DST: variants seen among roughly 807,000 people sequenced by gnomAD.
DST encodes the protein dystonin, also known as bullous pemphigoid antigen.
Under a neutral mutation model 875.2 loss-of-function variants are expected in DST, and 253 were observed. The ratio of observed to expected loss-of-function variants is 0.29; its 90% CI spans 0.26 to 0.32. The LOEUF (loss-of-function observed/expected upper bound fraction) is 0.32, where lower values mean the gene tolerates loss of function less well. Among genes scored for constraint, DST ranks in the 10% least tolerant of loss-of-function variants. The pLI is 1.00. For synonymous variants in DST, 3,124 were observed against 3,197.1 expected, an observed-to-expected ratio of 0.98 and a Z score of 0.77; for missense variants, 8,287 against 9,111.6, an observed-to-expected ratio of 0.91 and a Z score of 3.68.
intron 2 of DST, among the ~76,000 whole-genome samples, chr6:56,919,262 C>G (rs1479242820): frequency 6.6e-6 from 1 of 151,998 alleles, no homozygotes; most frequent in Non-Finnish European, 1.5e-5. Flanking sequence ...AAAGCTTTTC[C>G]CAACTGCAAA....
chr6:56,586,439 C>G (rs1448456642), intron 49 of DST, among the ~76,000 whole-genome samples: 1 of 150,392 alleles, frequency 6.6e-6, no homozygotes, highest in Non-Finnish European at 1.5e-5. Flanking sequence ...TTTTGTTTTC[C>G]ATTTGCTTGG....
chr6:56,860,104 T>G (rs1239946520), intron 3 of DST, among the ~76,000 whole-genome samples: 1 of 152,226 alleles, frequency 6.6e-6, no homozygotes, highest in Non-Finnish European at 1.5e-5. Flanking sequence ...AATTCAGATG[T>G]GGAATACTGG....
At chr6:56,897,401 G>C (rs995139806) in intron 3 of DST, among the ~76,000 whole-genome samples, 1 of 151,302 alleles carries the variant, frequency 6.6e-6, no homozygotes, top group African/African-American at 2.4e-5. Flanking sequence ...GCACGATCTT[G>C]GCTCCCTGCA....
chr6:56,922,490 T>C (rs1223327579), intron 2 of DST, among the ~76,000 whole-genome samples: 3 of 152,214 alleles, frequency 2.0e-5, no homozygotes, highest in African/African-American at 7.2e-5. Flanking sequence ...CACTGTCTTA[T>C]AGATACACTG....
intron 5 of DST, among the ~76,000 whole-genome samples, chr6:56,723,639 G>C (rs1428323148): frequency 6.6e-6 from 1 of 152,152 alleles, no homozygotes; most frequent in Non-Finnish European, 1.5e-5. Context: ...GCCCCATCCA[G>C]ATCTGTAACT....
Position 56,459,281 on chromosome 6 carries a change from GT to G in DST, c.23195-15del. 2.5e-6 allele frequency: 4 copies of G among 1,608,752 alleles called. No individual in the cohort carries two copies. Among genetic ancestry groups the G allele is most frequent in the Non-Finnish European group, 2.5e-6 (3 of 1,177,074 alleles). The stretch of plus-strand genomic sequence containing the variant: ...TCTTCTTGGAATCTGAGGAAAGAAG[GT>G]AGAGACAGCTCACCCTTATTATTGG... On this transcript the variant is annotated splice_polypyrimidine_tract_variant and intron_variant, in intron 103 of 103. Coordinates refer to ENST00000680361, the MANE Select transcript of DST (RefSeq NM_001374736.1).
chr6:56,586,854 T>C (rs1266015481), intron 49 of DST, among the ~76,000 whole-genome samples: 1 of 152,144 alleles, frequency 6.6e-6, no homozygotes, highest in Non-Finnish European at 1.5e-5. Context: ...GAGAGTCCTG[T>C]CCGTTACAAG....
Position 56,763,684 on chromosome 6 carries a change from T to TACACACACACACACAC in DST, c.626-28411_626-28396dup, listed in dbSNP as rs553580754. Among the ~76,000 whole-genome samples the TACACACACACACACAC allele has an allele frequency of 1.9e-3, 227 of 117,092 alleles. 5 individuals carry two copies. Among genetic ancestry groups the TACACACACACACACAC allele is most frequent in the African/African-American group, 6.6e-3 (190 of 28,940 alleles). The allele number at this position is 117,092 out of a possible 152,430, so 76.8% of individuals were successfully genotyped here. Reference sequence around the variant, plus strand: ...TCCTCTTAAAAAAAAAAAATACCTATACACACACACACACACACACACACA... The same window carrying TACACACACACACACAC: ...TCCTCTTAAAAAAAAAAAATACCTATACACACACACACACACACACACACACACACACACACACACA... On this transcript the variant is annotated intron_variant, in intron 4 of 103. Coordinates refer to ENST00000680361, the MANE Select transcript of DST (RefSeq NM_001374736.1).
intron 2 of DST, among the ~76,000 whole-genome samples, chr6:56,915,309 G>A (rs1159194975): frequency 1.3e-5 from 2 of 152,194 alleles, no homozygotes; most frequent in African/African-American, 4.8e-5. Flanking sequence ...CATGTTTTAT[G>A]GGGCATTTAC....
chr6:56,635,935 GT>G (rs527796577), intron 23 of DST, among the ~76,000 whole-genome samples: 133 of 152,264 alleles, frequency 8.7e-4, no homozygotes, highest in African/African-American at 3.2e-3. Context: ...CTTATATGAT[GT>G]TTTGGCTCTC....
chr6:56,618,056 G>C, intron 36 of DST: 1 of 1,614,144 alleles, frequency 6.2e-7, no homozygotes, highest in Non-Finnish European at 8.5e-7. Flanking sequence ...AGGTGGTCTA[G>C]AATTGTTCAG....
chr6:56,633,281 C>G (rs1421880431), intron 27 of DST, among the ~76,000 whole-genome samples: 1 of 146,218 alleles, frequency 6.8e-6, no homozygotes, highest in Non-Finnish European at 1.5e-5. Context: ...GGCTGGAGTG[C>G]AGTGGCGGGA....
Position 56,609,189 on chromosome 6 carries a change from T to A in DST, c.5439A>T (p.Arg1813Ser). ...MISGLISPEL[R>S]KCFDLKDAKS... is the part of the protein sequence containing the mutation. The stretch of plus-strand genomic sequence containing the variant: ...TGGCATCTTTAAGGTCAAAGCACTT[T>A]CTTAATTCTGGTGAAATTAGACCAG... Residue 1813 changes from arginine to serine, a missense_variant, in exon 40 of 104, where the codon AGA (arginine) becomes AGT (serine). Arg to Ser is a moderately radical substitution (Grantham distance 110). This residue lies in a region of DST where 3,138 missense variants were observed against 3,116.6 expected (regional missense o/e 1.01). Coordinates refer to ENST00000680361, the MANE Select transcript of DST (RefSeq NM_001374736.1). 6.2e-7 allele frequency: 1 copy of A among 1,613,860 alleles called. No homozygotes were observed. Among genetic ancestry groups the A allele is most frequent in the Non-Finnish European group, 8.5e-7 (1 of 1,179,786 alleles).
intron 2 of DST, among the ~76,000 whole-genome samples, chr6:56,915,031 C>T (rs1800283411): frequency 6.6e-6 from 1 of 152,238 alleles, no homozygotes; most frequent in Non-Finnish European, 1.5e-5. Flanking sequence ...CGGGCACAGA[C>T]AGTCATGCGC....
Position 56,591,334 on chromosome 6 carries a change from A to G in DST, c.12903+848T>C, listed in dbSNP as rs144231881. Among the ~76,000 whole-genome samples the G allele has an allele frequency of 3.1e-3, 469 of 152,338 alleles. 1 individual carries two copies. The highest frequency in any genetic ancestry group is 0.011 in the African/African-American group (441 of 41,592). Reference sequence around the variant, plus strand: ...GTATTGAGTAATTATTCAAGTTTGTATCTCTATGAATCATGAAGATATTCA... The same window carrying G: ...GTATTGAGTAATTATTCAAGTTTGTGTCTCTATGAATCATGAAGATATTCA... On this transcript the variant is annotated intron_variant, in intron 49 of 103. Coordinates refer to ENST00000680361, the MANE Select transcript of DST (RefSeq NM_001374736.1).
In DST at chr6:56,648,475, C is replaced by T. The variant is rs549489374; in HGVS notation, c.1554+95G>A. On this transcript the variant is annotated intron_variant, in intron 13 of 103. Coordinates refer to ENST00000680361, the MANE Select transcript of DST (RefSeq NM_001374736.1). The stretch of plus-strand genomic sequence containing the variant: ...CTTATTAATGGCTTTCCAAGGGCAA[C>T]TTTTGTTGAACTTCTAAAATTACAG... The T allele has an allele frequency of 8.6e-6, 11 of 1,285,610 alleles. No homozygotes were observed. In the East Asian group the frequency reaches 3.0e-4, roughly 35 times the overall value. 79.6% of individuals were successfully genotyped at this position (1,285,610 alleles called of 1,614,324 possible).
At chr6:56,859,042 A>G (rs936128061) in intron 3 of DST, among the ~76,000 whole-genome samples, 3 of 152,164 alleles carry the variant, frequency 2.0e-5, no homozygotes, top group Admixed American at 1.3e-4. Flanking sequence ...TCACAGCCCT[A>G]AAGATTACCA....
At chr6:56,698,605 G>A (rs1317342401) in intron 9 of DST, among the ~76,000 whole-genome samples, 6 of 152,200 alleles carry the variant, frequency 3.9e-5, no homozygotes, top group African/African-American at 7.2e-5. Flanking sequence ...GATTACAGGC[G>A]TGAGCCACCG....
At chr6:56,680,362 T>C (rs75570731) in intron 9 of DST, among the ~76,000 whole-genome samples, 2,805 of 152,266 alleles carry the variant, frequency 0.018, 75 homozygotes, top group African/African-American at 0.06. Flanking sequence ...TTGAAAGATA[T>C]TGTGAGAGAT....
Sources: gnomAD v4.1 joint callset for allele counts (sites outside exome capture counted in the v4.1 genomes callset) on GRCh38, gnomAD v4.1.1 for gene constraint, gnomAD v4.1.1 regional missense constraint, MANE v1.5 for transcripts, NCBI Gene and HGNC (gene_info 2026-07-23, HGNC 2026-07-21) for gene names.